SLCO1C1: variants seen among roughly 807,000 people sequenced by gnomAD.
SLCO1C1 encodes OAT-RP-5.
In SLCO1C1, 70 loss-of-function variants were observed where a neutral mutation model predicts 76.4. That is an observed-to-expected ratio of 0.92 (90% CI 0.76 to 1.12). The LOEUF (loss-of-function observed/expected upper bound fraction) is 1.12. Ranked by LOEUF, SLCO1C1 falls within the 50% of genes most tolerant of loss-of-function variation. SLCO1C1 has a pLI of 0.00. For missense variants in SLCO1C1, 912 were observed against 823.8 expected (o/e 1.11, Z -1.31); for synonymous variants, 306 against 286.1 (o/e 1.07, Z -0.70).
chr12:20,714,196 A>C (rs1333591026), intron 5 of SLCO1C1, among the ~76,000 whole-genome samples: 1 of 152,208 alleles, frequency 6.6e-6, no homozygotes, highest in East Asian at 1.9e-4. Context: ...CACAATCAAA[A>C]ATTAGTTTAA....
In SLCO1C1 at chr12:20,721,961, C is replaced by A. The variant is rs1409227450; in HGVS notation, c.933C>A (p.Ser311=). The stretch of plus-strand genomic sequence containing the variant: ...AAAGTAGAGAGGATTCTAATTCTTC[C>A]TCTGAGAAATCCAAGTTTATTATAG... ...RSQSREDSNS[S]SEKSKFIIDD... The change falls in exon 8 of 15, where the codon TCC becomes TCA. Residue 311 remains serine, a synonymous_variant. Coordinates refer to ENST00000266509, the MANE Select transcript of SLCO1C1 (RefSeq NM_017435.5). The A allele has an allele frequency of 1.9e-6, 3 of 1,614,082 alleles. No individual in the cohort carries two copies. The highest frequency in any genetic ancestry group is 2.5e-6 in the Non-Finnish European group (3 of 1,179,994).
chr12:20,699,756 G>A (rs748250567), intron 2 of SLCO1C1, 51 bp downstream of exon 2: 1 of 1,537,330 alleles, frequency 6.5e-7, no homozygotes, highest in Non-Finnish European at 8.7e-7. Context: ...TTTCTGTCCA[G>A]ATATCATCTA....
At chr12:20,713,087 T>TA (rs958300962) in intron 5 of SLCO1C1, among the ~76,000 whole-genome samples, 1 of 150,790 alleles carries the variant, frequency 6.6e-6, no homozygotes, top group Non-Finnish European at 1.5e-5. Context: ...TGTTTTCTTT[T>TA]TTTTTTTTTT....
chr12:20,704,455 T>G (rs909946773), intron 3 of SLCO1C1, among the ~76,000 whole-genome samples: 1 of 151,828 alleles, frequency 6.6e-6, no homozygotes, highest in Admixed American at 6.6e-5. Flanking sequence ...AACAAACATA[T>G]AGATAGAATT....
rs1947848252 is a variant in SLCO1C1, at chr12:20,724,441, ATATATATATATGTGTG to A, written c.1186+1189_1186+1204del. 7.4e-5 allele frequency among the ~76,000 whole-genome samples: 8 copies of A among 108,582 alleles called. No homozygotes were observed. In the South Asian group the frequency reaches 1.2e-3, roughly 16 times the overall value. The allele number at this position is 108,582 out of a possible 152,430, so 71.2% of individuals were successfully genotyped here. ...TATATATATATATATATATATATAT[ATATATATATATGTGTG>A]TGTGTGTGTGTGTGTGTGTGTCACA... is the stretch of plus-strand genomic sequence containing the variant. On this transcript the variant is annotated intron_variant, in intron 9 of 14. Coordinates refer to ENST00000266509, the MANE Select transcript of SLCO1C1 (RefSeq NM_017435.5).
chr12:20,752,605 T>G lies in SLCO1C1; in HGVS notation c.*77T>G, dbSNP rs1331728967. The G allele has an allele frequency of 1.7e-4, 195 of 1,133,984 alleles. No homozygotes were observed. Among genetic ancestry groups the G allele is most frequent in the Middle Eastern group, 4.1e-4 (2 of 4,856 alleles). 70.2% of individuals were successfully genotyped at this position (1,133,984 alleles called of 1,614,324 possible). On this transcript the variant is annotated 3_prime_UTR_variant, in exon 15 of 15. Coordinates refer to ENST00000266509, the MANE Select transcript of SLCO1C1 (RefSeq NM_017435.5). ...AAATAAATTGTAATCAAAAGAGCTC[T>G]AAATTTGTAATTTCTTTCTCCTTTC...
intron 1 of SLCO1C1, among the ~76,000 whole-genome samples, chr12:20,698,799 G>T (rs778612606): frequency 5.3e-5 from 8 of 151,994 alleles, no homozygotes; most frequent in Non-Finnish European, 1.2e-4. Flanking sequence ...GAGCCATGTG[G>T]AATCCTAAAG....
intron 14 of SLCO1C1, 24 bp from the exon 15 acceptor site, chr12:20,752,282 A>G (rs181113559): frequency 6.9e-7 from 1 of 1,446,986 alleles, no homozygotes; most frequent in Admixed American, 2.1e-5. Flanking sequence ...CATTAATTAT[A>G]ACAGAGATTC....
intron 10 of SLCO1C1, among the ~76,000 whole-genome samples, chr12:20,736,874 C>G (rs1275207380): frequency 3.3e-5 from 5 of 152,146 alleles, no homozygotes; most frequent in Admixed American, 2.6e-4. Context: ...AAGCTAAGAA[C>G]TGGACATCAT....
intron 5 of SLCO1C1, among the ~76,000 whole-genome samples, chr12:20,713,938 T>C (rs1592249105): frequency 6.6e-6 from 1 of 152,244 alleles, no homozygotes; most frequent in East Asian, 1.9e-4. Context: ...TTCTTAAAAT[T>C]ATACAATTGC....
chr12:20,710,262 C>A (rs1385616352), intron 4 of SLCO1C1, among the ~76,000 whole-genome samples: 1 of 130,770 alleles, frequency 7.6e-6, no homozygotes, highest in Non-Finnish European at 1.5e-5. Context: ...GGCTGGAGTG[C>A]AATGGCGCGA....
At chr12:20,747,188 G>A (rs1949084948) in intron 13 of SLCO1C1, among the ~76,000 whole-genome samples, 1 of 152,164 alleles carries the variant, frequency 6.6e-6, no homozygotes, top group Non-Finnish European at 1.5e-5. Flanking sequence ...ACTTTGGGAG[G>A]CTGAGGCGGG....
At chr12:20,740,161 G>A (rs745795113) in intron 11 of SLCO1C1, 23 bp from the exon 12 acceptor site, 1 of 1,580,258 alleles carries the variant, frequency 6.3e-7, no homozygotes, top group Non-Finnish European at 8.6e-7. Flanking sequence ...GAAATAATTG[G>A]ACTTTTCCCT....
At chr12:20,751,351 G>C (rs1036865096) in intron 14 of SLCO1C1, among the ~76,000 whole-genome samples, 1 of 151,888 alleles carries the variant, frequency 6.6e-6, no homozygotes, top group Non-Finnish European at 1.5e-5. Context: ...TTTCACTATG[G>C]TATCATTCAG....
intron 7 of SLCO1C1, 21 bp downstream of exon 7, chr12:20,717,251 T>G: frequency 6.4e-7 from 1 of 1,556,684 alleles, no homozygotes; most frequent in Non-Finnish European, 8.7e-7. Flanking sequence ...TTATTTTTTA[T>G]TTATTCATGT....
intron 6 of SLCO1C1, 138 bp from the exon 7 acceptor site, chr12:20,716,994 G>T: frequency 1.5e-6 from 1 of 679,486 alleles, no homozygotes. Context: ...TGGTTTTAAA[G>T]TTAACTAAAC....
chr12:20,750,772 A>G lies in SLCO1C1; in HGVS notation c.1896A>G (p.Leu632=). 1 of 1,613,974 alleles carries G rather than the reference A, an allele frequency of 6.2e-7. No homozygotes were observed. Among genetic ancestry groups the G allele is most frequent in the Non-Finnish European group, 8.5e-7 (1 of 1,179,896 alleles). The change falls in exon 14 of 15, where the codon TTA becomes TTG. Residue 632 remains leucine (L), a synonymous_variant. Transcript: ENST00000266509. ...KRCGSRGSCR[L]YDSNVFRHIY... ...GTGGAAGTAGAGGATCATGCAGATTATATGATTCAAATGTCTTCAGGTACC... is the reference window on the plus strand; with the variant it reads ...GTGGAAGTAGAGGATCATGCAGATTGTATGATTCAAATGTCTTCAGGTACC...
At chr12:20,740,421 A>C in intron 12 of SLCO1C1, 53 bp downstream of exon 12, 1 of 1,483,284 alleles carries the variant, frequency 6.7e-7, no homozygotes, top group Non-Finnish European at 9.1e-7. Context: ...AATCATCTCG[A>C]GCAATGATTT....
intron 3 of SLCO1C1, among the ~76,000 whole-genome samples, chr12:20,705,707 G>C (rs186019452): frequency 6.6e-6 from 1 of 152,112 alleles, no homozygotes; most frequent in African/African-American, 2.4e-5. Context: ...CAAATAATTA[G>C]GTTGGGTGAA....
Sources: allele counts gnomAD v4.1 joint callset (sites outside exome capture counted in the v4.1 genomes callset), GRCh38; gene constraint gnomAD v4.1.1; transcripts MANE v1.5; gene names NCBI Gene and HGNC (gene_info 2026-07-23, HGNC 2026-07-21).